Variants in ZNF532 observed in about 807,000 individuals in gnomAD.
The protein encoded by ZNF532 is zinc finger protein 532.
ZNF532 carries 22 observed loss-of-function variants against 89.3 expected under a neutral mutation model. The ratio of observed to expected loss-of-function variants is 0.25; its 90% confidence interval spans 0.18 to 0.35. ZNF532 has a LOEUF of 0.35. ZNF532 is among the 10% of genes least tolerant of loss of function. ZNF532 has a pLI of 1.00. For missense variants in ZNF532, 1,132 were observed against 1,643.4 expected, an observed-to-expected ratio of 0.69 and a Z score of 5.38; for synonymous variants, 606 against 649.6, an observed-to-expected ratio of 0.93 and a Z score of 1.02.
rs550892702 is a variant in ZNF532, at chr18:58,985,171, G to A, written c.*705G>A. On this transcript the variant is annotated 3_prime_UTR_variant, in exon 10 of 10. Coordinates refer to ENST00000591808, the MANE Select transcript of ZNF532 (RefSeq NM_001375912.1). ...CTGATTTCCTCAGTTCCATTTTGAG[G>A]AATGGGGAAGGCTATTCTAAAGAAA... 4.6e-5 allele frequency: 7 copies of A among 152,304 alleles called. 1 individual carries two copies. In the East Asian group the frequency reaches 1.3e-3, roughly 29 times the overall value. The allele number at this position is 152,304 out of a possible 1,614,324, so 9.4% of individuals were successfully genotyped here.
At chr18:58,880,582 A>G (rs192478935) in intron 2 of ZNF532, among the ~76,000 whole-genome samples, 1 of 152,302 alleles carries the variant, frequency 6.6e-6, no homozygotes. Context: ...CAGTATGTCT[A>G]GCTTGCAGTA....
At chr18:58,967,672 C>G (rs1286043375) in intron 7 of ZNF532, among the ~76,000 whole-genome samples, 1 of 152,124 alleles carries the variant, frequency 6.6e-6, no homozygotes, top group Non-Finnish European at 1.5e-5. Flanking sequence ...TCGGTAAATA[C>G]CGTGGAAGGA....
At chr18:58,888,868 A>ATATATT (rs1301154103) in intron 2 of ZNF532, among the ~76,000 whole-genome samples, 6 of 42,220 alleles carry the variant, frequency 1.4e-4, no homozygotes, top group Non-Finnish European at 1.9e-4. Flanking sequence ...ATATATATAT[A>ATATATT]ATATATATTA....
At chr18:58,947,317 A>C (rs2146891426) in intron 5 of ZNF532, among the ~76,000 whole-genome samples, 1 of 152,278 alleles carries the variant, frequency 6.6e-6, no homozygotes, top group Middle Eastern at 3.4e-3. Flanking sequence ...CCCTCGTTTC[A>C]GTAGAGAGTG....
chr18:58,918,213 T>C (rs2060747909), intron 2 of ZNF532, 58 bp from the exon 3 acceptor site: 6 of 1,476,460 alleles, frequency 4.1e-6, no homozygotes, highest in Non-Finnish European at 5.5e-6. Context: ...ATAGGGGTTT[T>C]ATCTCATCGT....
At chr18:58,967,548 T>C (rs2066044796) in intron 7 of ZNF532, among the ~76,000 whole-genome samples, 1 of 152,128 alleles carries the variant, frequency 6.6e-6, no homozygotes, top group Admixed American at 6.5e-5. Context: ...TGCCCCCCCG[T>C]GCACCCTTCC....
At chr18:58,955,593 C>G (rs547852112) in intron 7 of ZNF532, among the ~76,000 whole-genome samples, 1 of 152,310 alleles carries the variant, frequency 6.6e-6, no homozygotes, top group South Asian at 2.1e-4. Flanking sequence ...GTTTGAGCTG[C>G]TCATGAAACT....
At chr18:58,924,288 T>C (rs2061357117) in intron 3 of ZNF532, among the ~76,000 whole-genome samples, 1 of 152,268 alleles carries the variant, frequency 6.6e-6, no homozygotes, top group South Asian at 2.1e-4. Context: ...CACCCTGACC[T>C]GTGCTTTCTG....
intron 2 of ZNF532, among the ~76,000 whole-genome samples, chr18:58,916,437 C>T (rs1308967689): frequency 6.6e-6 from 1 of 152,078 alleles, no homozygotes; most frequent in Non-Finnish European, 1.5e-5. Context: ...TGTTTTATTT[C>T]CTGTGTACTT....
Position 58,920,495 on chromosome 18 carries a change from C to A in ZNF532, c.2208C>A (p.Ile736=), listed in dbSNP as rs766065357. 5 of 1,613,994 alleles carry A rather than the reference C, an allele frequency of 3.1e-6. No homozygotes were observed. In the African/African-American group the frequency reaches 5.3e-5, roughly 17 times the overall value. Residue 736 remains isoleucine, a synonymous_variant, in exon 3 of 10, where the codon ATC becomes ATA. Transcript: ENST00000591808. ...TATCGGCTCCTTCAAGCACTCCCAT[C>A]ACCCCAGCCATGCCCCTAGATGAAG... The part of the protein sequence containing the change: ...TVISAPSSTP[I]TPAMPLDEDP...
chr18:58,887,318 G>A (rs2058376165), intron 2 of ZNF532, among the ~76,000 whole-genome samples: 1 of 152,200 alleles, frequency 6.6e-6, no homozygotes, highest in Non-Finnish European at 1.5e-5. Flanking sequence ...CCCTTTAAAT[G>A]TACATTTTGT....
chr18:58,902,137 T>C (rs994595031), intron 2 of ZNF532, among the ~76,000 whole-genome samples: 1 of 152,190 alleles, frequency 6.6e-6, no homozygotes, highest in Non-Finnish European at 1.5e-5. Context: ...ATCCCAGTGC[T>C]CTGCTCTCTG....
intron 2 of ZNF532, among the ~76,000 whole-genome samples, chr18:58,888,775 A>ATATATATATGAATTATATATATAATT (rs2058567398): frequency 1.8e-5 from 1 of 55,722 alleles, no homozygotes; most frequent in Non-Finnish European, 2.8e-5. Flanking sequence ...TATATAATTT[A>ATATATATATGAATTATATATATAATT]TATATATATA....
At chr18:58,978,793 C>T (rs988844959) in intron 7 of ZNF532, among the ~76,000 whole-genome samples, 1 of 152,048 alleles carries the variant, frequency 6.6e-6, no homozygotes, top group African/African-American at 2.4e-5. Context: ...GATATTTATT[C>T]TTGTTTCATA....
chr18:58,905,663 T>C (rs1026567525), intron 2 of ZNF532, among the ~76,000 whole-genome samples: 5 of 152,180 alleles, frequency 3.3e-5, no homozygotes, highest in African/African-American at 1.2e-4. Flanking sequence ...GGATTATAGG[T>C]GTGAGCCACC....
chr18:58,917,306 T>C (rs1376415129), intron 2 of ZNF532, among the ~76,000 whole-genome samples: 1 of 152,128 alleles, frequency 6.6e-6, no homozygotes, highest in Non-Finnish European at 1.5e-5. Flanking sequence ...TATTTGACAT[T>C]TATGCTAGAA....
intron 2 of ZNF532, among the ~76,000 whole-genome samples, chr18:58,882,503 C>G (rs1237050504): frequency 6.6e-6 from 1 of 152,170 alleles, no homozygotes; most frequent in Admixed American, 6.5e-5. Flanking sequence ...GTGCAGTGAT[C>G]TGATCTCCGC....
At chr18:58,888,697 T>TTATATATA (rs71336305) in intron 2 of ZNF532, among the ~76,000 whole-genome samples, 88 of 45,298 alleles carry the variant, frequency 1.9e-3, no homozygotes, top group African/African-American at 8.6e-3. Flanking sequence ...AAAAAAAAAA[T>TTATATATA]TATATATATA....
chr18:58,916,982 C>T (rs780453045), intron 2 of ZNF532, among the ~76,000 whole-genome samples: 1 of 152,132 alleles, frequency 6.6e-6, no homozygotes. Flanking sequence ...CAGCAAATAC[C>T]GAAGGGCAGA....
Sources: allele counts gnomAD v4.1 joint callset (sites outside exome capture counted in the v4.1 genomes callset), GRCh38; gene constraint gnomAD v4.1.1; transcripts MANE v1.5; gene names NCBI Gene and HGNC (gene_info 2026-07-23, HGNC 2026-07-21).